ABTB3: variants seen among roughly 807,000 people sequenced by gnomAD.
ABTB3 encodes ankyrin repeat- and BTB/POZ domain-containing protein 3.
chr12:107,407,712 A>G, the ABTB3 span, among the ~76,000 whole-genome samples: 1 of 152,180 alleles, frequency 6.6e-6, no homozygotes, highest in Admixed American at 6.5e-5. Flanking sequence ...GCATGAGTGA[A>G]GCCAGGGCTG....
At chr12:107,608,968 T>TATAAAATAAAATAAAATAAA in the ABTB3 span, among the ~76,000 whole-genome samples, 9 of 101,804 alleles carry the variant, frequency 8.8e-5, no homozygotes, top group Middle Eastern at 4.9e-3. Flanking sequence ...TAAAATAAAA[T>TATAAAATAAAATAAAATAAA]ATAAAATAAA....
chr12:107,542,550 G>A, the ABTB3 span, among the ~76,000 whole-genome samples: 38,947 of 151,828 alleles, frequency 0.26, 5,705 homozygotes, highest in East Asian at 0.6. Flanking sequence ...AAAGGAAAAC[G>A]GGGCCAGAAT....
the ABTB3 span, chr12:107,320,106 C>A: frequency 7.2e-7 from 1 of 1,392,402 alleles, no homozygotes; most frequent in South Asian, 1.9e-5. Context: ...CACTCCCTCT[C>A]ACCTAACCTG....
At chr12:107,580,742 C>T in the ABTB3 span, 1 of 1,358,026 alleles carries the variant, frequency 7.4e-7, no homozygotes, top group South Asian at 1.5e-5. Context: ...CAGGGAGCCC[C>T]AAATAGAAAT....
chr12:107,396,462 T>A, the ABTB3 span, among the ~76,000 whole-genome samples: 5 of 152,284 alleles, frequency 3.3e-5, no homozygotes, highest in East Asian at 5.8e-4. Context: ...AATGAGGCAA[T>A]GCATTAAAAA....
At chr12:107,318,672 C>T in the ABTB3 span, 2 of 455,854 alleles carry the variant, frequency 4.4e-6, no homozygotes, top group African/African-American at 2.0e-5. Context: ...CAAGCCCCGG[C>T]GGGAGCTTCC....
At chr12:107,328,941 T>C in the ABTB3 span, among the ~76,000 whole-genome samples, 3 of 152,172 alleles carry the variant, frequency 2.0e-5, no homozygotes, top group South Asian at 2.1e-4. Flanking sequence ...GGTCTTTTTT[T>C]AGTCCCCGCC....
chr12:107,319,018 G>A, the ABTB3 span: 2 of 1,613,476 alleles, frequency 1.2e-6, no homozygotes, highest in African/African-American at 1.3e-5. Flanking sequence ...GTGGCGCGGC[G>A]GACTCGGTGC....
chr12:107,637,400 T>TA, the ABTB3 span, among the ~76,000 whole-genome samples: 3,209 of 149,646 alleles, frequency 0.021, 45 homozygotes, highest in Non-Finnish European at 0.027. Context: ...TCAAAAAATT[T>TA]AAAAAAAAAA....
the ABTB3 span, among the ~76,000 whole-genome samples, chr12:107,463,981 C>T: frequency 6.6e-6 from 1 of 152,274 alleles, no homozygotes; most frequent in Non-Finnish European, 1.5e-5. Context: ...CCAAAACCAA[C>T]AGGGAGATAC....
chr12:107,347,444 G>A, the ABTB3 span, among the ~76,000 whole-genome samples: 4 of 151,734 alleles, frequency 2.6e-5, no homozygotes, highest in Non-Finnish European at 4.4e-5. Flanking sequence ...CCCAGGAAGG[G>A]CTCAGCTGGC....
chr12:107,372,599 C>G, the ABTB3 span, among the ~76,000 whole-genome samples: 1 of 152,276 alleles, frequency 6.6e-6, no homozygotes, highest in South Asian at 2.1e-4. Context: ...AACCATTCGC[C>G]TCTGTGCTCA....
the ABTB3 span, among the ~76,000 whole-genome samples, chr12:107,398,406 G>T: frequency 1.3e-5 from 2 of 152,268 alleles, no homozygotes; most frequent in Non-Finnish European, 2.9e-5. Context: ...TTTAGGGAAA[G>T]ATTTAAAGTA....
the ABTB3 span, among the ~76,000 whole-genome samples, chr12:107,335,018 G>A: frequency 6.6e-6 from 1 of 152,132 alleles, no homozygotes; most frequent in East Asian, 1.9e-4. Context: ...AGGTGCAGTG[G>A]CCTACGCCTG....
the ABTB3 span, among the ~76,000 whole-genome samples, chr12:107,475,240 A>G: frequency 5.3e-5 from 8 of 152,160 alleles, no homozygotes; most frequent in East Asian, 1.5e-3. Context: ...TTGCATGCTC[A>G]TGGGTTCGTG....
At chr12:107,605,871 C>G in the ABTB3 span, among the ~76,000 whole-genome samples, 1 of 152,128 alleles carries the variant, frequency 6.6e-6, no homozygotes. Flanking sequence ...AAACCAACAG[C>G]TAATGGAATG....
At chr12:107,404,803 C>T in the ABTB3 span, among the ~76,000 whole-genome samples, 1 of 152,198 alleles carries the variant, frequency 6.6e-6, no homozygotes, top group African/African-American at 2.4e-5. Flanking sequence ...GCTCTCTCTC[C>T]TCACTCCAGG....
the ABTB3 span, chr12:107,610,074 A>G: frequency 1.6e-6 from 2 of 1,233,282 alleles, no homozygotes; most frequent in African/African-American, 1.5e-5. Context: ...GGAGCCTAGG[A>G]ACAGGCAATT....
chr12:107,338,295 A>G, the ABTB3 span, among the ~76,000 whole-genome samples: 1 of 152,178 alleles, frequency 6.6e-6, no homozygotes, highest in African/African-American at 2.4e-5. Flanking sequence ...ACGCCTTATT[A>G]TTATTAATTC....
Sources: gnomAD v4.1 joint callset for allele counts (sites outside exome capture counted in the v4.1 genomes callset) on GRCh38, gnomAD v4.1.1 for gene constraint, MANE v1.5 for transcripts, NCBI Gene and HGNC (gene_info 2026-07-23, HGNC 2026-07-21) for gene names.